Variants in HGSNAT observed in about 807,000 individuals in gnomAD.
HGSNAT encodes transmembrane protein 76.
A neutral mutation model predicts 85.2 loss-of-function variants in HGSNAT; 59 were observed. The observed-to-expected ratio is 0.69, with a 90% confidence interval of 0.56 to 0.86. The LOEUF is 0.86. Among genes scored for constraint, HGSNAT ranks in the 40% least tolerant of loss-of-function variants. HGSNAT has a pLI of 0.00. For synonymous variants in HGSNAT, 321 were observed against 304.5 expected (o/e 1.05, Z -0.56); for missense variants, 756 against 777.1 (o/e 0.97, Z 0.32).
At chr8:43,172,475 C>T in intron 8 of HGSNAT, 89 bp downstream of exon 8, 1 of 974,418 alleles carries the variant, frequency 1.0e-6, no homozygotes, top group Non-Finnish European at 1.6e-6. Flanking sequence ...TCCCCAGAAA[C>T]TCCAGAAATG....
chr8:43,159,965 G>A (rs961586961), intron 4 of HGSNAT, among the ~76,000 whole-genome samples: 2 of 152,144 alleles, frequency 1.3e-5, no homozygotes, highest in South Asian at 2.1e-4. Context: ...TCAAAAGAAC[G>A]CAGGAGCCGA....
intron 14 of HGSNAT, chr8:43,195,749 GGA>G (rs1367840970): frequency 1.2e-3 from 7 of 5,822 alleles, no homozygotes; most frequent in Non-Finnish European, 0.01. Flanking sequence ...AGGAGGAAGA[GGA>G]GGAGGAGGGG....
At chr8:43,191,927 GT>G (rs139380930) in intron 12 of HGSNAT, among the ~76,000 whole-genome samples, 356 of 149,960 alleles carry the variant, frequency 2.4e-3, no homozygotes, top group African/African-American at 8.4e-3. Flanking sequence ...TATAAACCAT[GT>G]TTTTTTTTTC....
intron 11 of HGSNAT, among the ~76,000 whole-genome samples, chr8:43,186,794 C>T (rs1257332386): frequency 6.6e-6 from 1 of 152,116 alleles, no homozygotes. Flanking sequence ...TATAAATTTC[C>T]TTCTACACAC....
At position 43,197,873 on chromosome 8, in the gene HGSNAT, T is replaced by G. The variant is rs893916894; in HGVS notation, c.1647T>G (p.Phe549Leu). ...SLSYVTTLSS[F>L]AFFILLVLYP... The stretch of plus-strand genomic sequence containing the variant: ...CGTATGTCACTACGCTCAGTTCTTT[T>G]GCCTTCTTCATCCTGCTGGTCCTGT... The change falls in exon 17 of 18, where the codon TTT (phenylalanine) becomes TTG (leucine). Residue 549 changes from phenylalanine to leucine, a missense_variant. Coordinates refer to ENST00000379644, the MANE Select transcript of HGSNAT (RefSeq NM_152419.3). The G allele has an allele frequency of 5.6e-6, 9 of 1,613,912 alleles. No homozygotes were observed. The highest frequency in any genetic ancestry group is 6.8e-6 in the Non-Finnish European group (8 of 1,179,890).
rs779284289 is a variant in HGSNAT at position 43,191,569 on chromosome 8, C to T, written c.1224C>T (p.Phe408=). The T allele has an allele frequency of 1.9e-6, 3 of 1,613,872 alleles. No individual in the cohort carries two copies. Among genetic ancestry groups the T allele is most frequent in the South Asian group, 2.2e-5 (2 of 91,086 alleles). ...AAGGCCTGTGGCTGGGCTTGACATT[C>T]CTCCTGCCAGTCCCTGGGTGCCCTA... ...VLEGLWLGLT[F]LLPVPGCPTG... is the part of the protein sequence containing the mutation. Residue 408 remains phenylalanine, a synonymous_variant, in exon 12 of 18, where the codon TTC becomes TTT. Coordinates refer to ENST00000379644, the MANE Select transcript of HGSNAT (RefSeq NM_152419.3).
intron 5 of HGSNAT, among the ~76,000 whole-genome samples, chr8:43,162,594 C>T (rs1033938924): frequency 5.3e-5 from 8 of 151,556 alleles, no homozygotes; most frequent in African/African-American, 1.9e-4. Context: ...TCTTGTCATC[C>T]AGGCTGGAGT....
rs2130807411 is a variant in HGSNAT, at chr8:43,192,352, T to C, written c.1299T>C (p.Asn433=). 1 of 1,612,050 alleles carries C rather than the reference T, an allele frequency of 6.2e-7. No homozygotes were observed. The highest frequency in any genetic ancestry group is 1.1e-5 in the South Asian group (1 of 90,596). ...TTGGAGATTTTGGCAAGTATCCAAA[T>C]TGCACTGGAGGAGCTGCAGGCTACA... The part of the protein sequence containing the change: ...GGIGDFGKYP[N]CTGGAAGYID... Residue 433 remains asparagine (N), a synonymous_variant, in exon 13 of 18, where the codon AAT becomes AAC. Coordinates refer to ENST00000379644, the MANE Select transcript of HGSNAT (RefSeq NM_152419.3).
At position 43,174,577 on chromosome 8, in the gene HGSNAT, C is replaced by T. The variant is rs558854388; in HGVS notation, c.851+834C>T. ...CTATGGTGTATTAAGTGACATTGCTCCCTCATTAGCAGGTAGTACCAGCCT... is the reference window on the plus strand; with the variant it reads ...CTATGGTGTATTAAGTGACATTGCTTCCTCATTAGCAGGTAGTACCAGCCT... On this transcript the variant is annotated intron_variant, in intron 9 of 17. Transcript: ENST00000379644. Among the ~76,000 whole-genome samples, 5 of 152,170 alleles carry T rather than the reference C, an allele frequency of 3.3e-5. No homozygotes were observed. In the South Asian group the frequency reaches 1.0e-3, roughly 32 times the overall value.
Position 43,168,384 on chromosome 8 carries a change from C to CTTTTTTTTTT in HGSNAT, c.564-773_564-764dup, listed in dbSNP as rs34270087. ...TTGCTTTTTGTATTTAATAGTTGAT[C>CTTTTTTTTTT]TTTTTTTTTTTTTTTTTTTTTTTTT... is the stretch of plus-strand genomic sequence containing the variant. On this transcript the variant is annotated intron_variant, in intron 5 of 17. Coordinates refer to ENST00000379644, the MANE Select transcript of HGSNAT (RefSeq NM_152419.3). 2.8e-4 allele frequency among the ~76,000 whole-genome samples: 20 copies of CTTTTTTTTTT among 70,250 alleles called. 2 individuals are homozygous for CTTTTTTTTTT. The highest frequency in any genetic ancestry group is 4.0e-4 in the African/African-American group (6 of 15,108). The allele number at this position is 70,250 out of a possible 152,430, so 46.1% of individuals were successfully genotyped here. A position where few individuals can be genotyped will look rare whatever the true frequency, so the allele number is the denominator to read the frequency against.
chr8:43,140,884 C>T (rs922828720), intron 1 of HGSNAT, among the ~76,000 whole-genome samples: 1 of 152,186 alleles, frequency 6.6e-6, no homozygotes, highest in Non-Finnish European at 1.5e-5. Context: ...GCGCCCACCC[C>T]AGCGGAGCCT....
At chr8:43,151,649 TATA>T (rs1263207146) in intron 2 of HGSNAT, among the ~76,000 whole-genome samples, 10 of 152,310 alleles carry the variant, frequency 6.6e-5, no homozygotes, top group African/African-American at 2.4e-4. Context: ...AACAAACTAA[TATA>T]ATAAGGGTTA....
At chr8:43,176,306 T>C (rs775129832) in intron 9 of HGSNAT, among the ~76,000 whole-genome samples, 1 of 152,228 alleles carries the variant, frequency 6.6e-6, no homozygotes, top group Non-Finnish European at 1.5e-5. Flanking sequence ...GAAGAGACTG[T>C]CCTTTCTCCA....
chr8:43,141,536 G>A (rs1802545333), intron 1 of HGSNAT, among the ~76,000 whole-genome samples: 1 of 152,148 alleles, frequency 6.6e-6, no homozygotes, highest in Non-Finnish European at 1.5e-5. Flanking sequence ...CCCTCCCAGA[G>A]GGGTCGGGCA....
chr8:43,174,395 G>T (rs1394520431), intron 9 of HGSNAT, among the ~76,000 whole-genome samples: 1 of 151,976 alleles, frequency 6.6e-6, no homozygotes, highest in East Asian at 1.9e-4. Context: ...CAGTATATTG[G>T]TATCAGTGAA....
In HGSNAT at chr8:43,146,937, A is replaced by G. The variant is rs752790918; in HGVS notation, c.119-11A>G. 5 of 1,478,694 alleles carry G rather than the reference A, an allele frequency of 3.4e-6. No individual in the cohort carries two copies. In the East Asian group the frequency reaches 9.2e-5, roughly 27 times the overall value. 91.6% of individuals were successfully genotyped at this position (1,478,694 alleles called of 1,614,324 possible). On this transcript the variant is annotated splice_polypyrimidine_tract_variant and intron_variant, in intron 1 of 17. Coordinates refer to ENST00000379644, the MANE Select transcript of HGSNAT (RefSeq NM_152419.3). ...TTTTTTTTTTTTTTAACTTTTCCTA[A>G]TTTCTACCAGACTTAGACAAAAAAA... is the stretch of plus-strand genomic sequence containing the variant.
rs778394235 is a variant in HGSNAT, at chr8:43,173,753, C to T, written c.851+10C>T. ...ACCTCGTGTTCCCGTGGTGAGTTGC[C>T]GGTCTGCCCTCTTCTCTTCCACGGG... On this transcript the variant is annotated intron_variant, in intron 9 of 17. Transcript: ENST00000379644. The T allele has an allele frequency of 9.9e-6, 16 of 1,610,758 alleles. No homozygotes were observed. Among genetic ancestry groups the T allele is most frequent in the Admixed American group, 8.4e-5 (5 of 59,554 alleles).
intron 11 of HGSNAT, 59 bp from the exon 12 acceptor site, chr8:43,191,415 T>G (rs548487822): frequency 1.9e-6 from 3 of 1,590,130 alleles, no homozygotes; most frequent in Non-Finnish European, 2.6e-6. Flanking sequence ...AGACATGTGC[T>G]TAGTTCCCTT....
At chr8:43,146,762 T>G (rs756795330) in intron 1 of HGSNAT, among the ~76,000 whole-genome samples, 186 bp from the exon 2 acceptor site, 3 of 152,002 alleles carry the variant, frequency 2.0e-5, no homozygotes, top group African/African-American at 7.3e-5. Flanking sequence ...TGTGTGCACA[T>G]GCATGCATGC....
Sources: allele counts gnomAD v4.1 joint callset (sites outside exome capture counted in the v4.1 genomes callset), GRCh38; gene constraint gnomAD v4.1.1; transcripts MANE v1.5; gene names NCBI Gene and HGNC (gene_info 2026-07-23, HGNC 2026-07-21).